PCBD2: variants seen among roughly 807,000 people sequenced by gnomAD.
PCBD2 encodes pterin-4 alpha-carbinolamine dehydratase 2, also known as pterin-4-alpha-carbinolamine dehydratase 2.
Under a neutral mutation model 16.4 loss-of-function variants are expected in PCBD2, and 12 were observed. The observed-to-expected ratio is 0.73, with a 90% CI of 0.47 to 1.19. The LOEUF (loss-of-function observed/expected upper bound fraction) is 1.19, where lower values mean the gene tolerates loss of function less well. Ranked by LOEUF, PCBD2 falls within the 50% of genes most tolerant of loss-of-function variation. PCBD2 has a pLI of 0.00. For missense variants in PCBD2, 138 were observed against 156.8 expected (o/e 0.88, Z 0.64); for synonymous variants, 58 against 61.8 (o/e 0.94, Z 0.29).
intron 2 of PCBD2, chr5:134,928,149 G>A (rs1192039742): frequency 2.6e-6 from 1 of 391,258 alleles, no homozygotes; most frequent in Non-Finnish European, 4.5e-6. Context: ...ATGGCGATAG[G>A]TACAATATTG....
At chr5:134,910,575 C>A in intron 2 of PCBD2, 109 bp downstream of exon 2, 1 of 1,286,876 alleles carries the variant, frequency 7.8e-7, no homozygotes, top group South Asian at 1.5e-5. Flanking sequence ...TAGGATTCAA[C>A]TCTTCCCTTC....
rs766086785 is a variant in PCBD2 at position 134,959,111 on chromosome 5, A to G, written c.288A>G (p.Val96=). ...KMNHHPEWFN[V]YNKVQITLTS... ...ATCATCACCCAGAATGGTTCAATGT[A>G]TACAACAAGGTAACTAAACTGCCTT... is the stretch of plus-strand genomic sequence containing the variant. Residue 96 remains valine (V), a synonymous_variant, in exon 3 of 4, where the codon GTA becomes GTG. Transcript: ENST00000254908. The G allele has an allele frequency of 2.3e-5, 37 of 1,612,368 alleles. No homozygotes were observed. Among genetic ancestry groups the G allele is most frequent in the East Asian group, 4.5e-5 (2 of 44,826 alleles).
chr5:134,925,949 C>T, intron 2 of PCBD2: 1 of 390,202 alleles, frequency 2.6e-6, no homozygotes. Flanking sequence ...TATAGGATTG[C>T]TTGAATAGCT....
At chr5:134,953,804 A>G (rs532901520) in intron 2 of PCBD2, among the ~76,000 whole-genome samples, 32 of 152,182 alleles carry the variant, frequency 2.1e-4, no homozygotes, top group Non-Finnish European at 3.7e-4. Flanking sequence ...CCATCTTAAT[A>G]ACAACAACAA....
In PCBD2 at chr5:134,960,600, C is replaced by G; in HGVS notation, c.312C>G (p.Leu104=). ...FNVYNKVQIT[L]TSHDCGELTK... ...CTTTTTCTTAGGTCCAGATAACTCTCACCTCACATGACTGTGGTGAACTGA... is the reference window on the plus strand; with the variant it reads ...CTTTTTCTTAGGTCCAGATAACTCTGACCTCACATGACTGTGGTGAACTGA... The change falls in exon 4 of 4, where the codon CTC becomes CTG. Residue 104 remains leucine, a synonymous_variant. Transcript: ENST00000254908. 6.2e-7 allele frequency: 1 copy of G among 1,609,970 alleles called. No individual in the cohort carries two copies. Among genetic ancestry groups the G allele is most frequent in the East Asian group, 2.2e-5 (1 of 44,840 alleles).
Position 134,937,491 on chromosome 5 carries a change from G to C in PCBD2, c.217-21549G>C, listed in dbSNP as rs551715868. On this transcript the variant is annotated intron_variant, in intron 2 of 3. Transcript: ENST00000254908. ...CTGGTAAATGTTGGAAAGAGGCAAA[G>C]AAGAAAGTTACAATACATTGCCTAT... is the stretch of plus-strand genomic sequence containing the variant. Among the ~76,000 whole-genome samples the C allele has an allele frequency of 2.6e-4, 40 of 152,304 alleles. No individual in the cohort carries two copies. The South Asian group carries it at 8.1e-3, about 31-fold the overall frequency.
intron 2 of PCBD2, chr5:134,928,513 C>T (rs75883362): frequency 2.4e-5 from 7 of 293,640 alleles, no homozygotes; most frequent in Non-Finnish European, 3.8e-5. Context: ...GGGCTCATGG[C>T]AAGGGTAAAA....
chr5:134,925,482 G>T, intron 2 of PCBD2: 1 of 398,514 alleles, frequency 2.5e-6, no homozygotes, highest in South Asian at 1.3e-4. Flanking sequence ...AGATGTGCAG[G>T]AATGCTAGGT....
chr5:134,956,402 A>G (rs1024772570), intron 2 of PCBD2, among the ~76,000 whole-genome samples: 7 of 152,188 alleles, frequency 4.6e-5, no homozygotes, highest in African/African-American at 1.7e-4. Context: ...AGATTTTGCT[A>G]CTATACTGAT....
chr5:134,923,637 A>G, intron 2 of PCBD2: 1 of 369,338 alleles, frequency 2.7e-6, no homozygotes, highest in Non-Finnish European at 4.8e-6. Context: ...TCAGAAGGAT[A>G]TTTGGCCTCA....
intron 2 of PCBD2, among the ~76,000 whole-genome samples, chr5:134,952,853 TCTA>T (rs1751373878): frequency 6.6e-6 from 1 of 152,122 alleles, no homozygotes; most frequent in South Asian, 2.1e-4. Flanking sequence ...TATAAATGTT[TCTA>T]TTTATTCCTA....
intron 2 of PCBD2, among the ~76,000 whole-genome samples, chr5:134,946,998 T>G (rs1157444371): frequency 6.6e-5 from 10 of 152,072 alleles, no homozygotes; most frequent in Non-Finnish European, 8.8e-5. Flanking sequence ...AATTATGTAG[T>G]GTTAGTAGTA....
intron 2 of PCBD2, among the ~76,000 whole-genome samples, chr5:134,953,322 A>G (rs1268412951): frequency 6.7e-6 from 1 of 150,012 alleles, no homozygotes; most frequent in East Asian, 1.9e-4. Flanking sequence ...TGTGGATACT[A>G]TTATAACTAT....
chr5:134,954,720 A>G (rs1444576067), intron 2 of PCBD2, among the ~76,000 whole-genome samples: 1 of 151,600 alleles, frequency 6.6e-6, no homozygotes, highest in Non-Finnish European at 1.5e-5. Context: ...GAATGTTGGT[A>G]TGTGAATGTT....
intron 2 of PCBD2, among the ~76,000 whole-genome samples, chr5:134,919,827 C>T (rs896403444): frequency 2.9e-4 from 44 of 152,306 alleles, no homozygotes; most frequent in African/African-American, 9.1e-4. Context: ...GCCTGCCCAC[C>T]GCTTCAGTAC....
chr5:134,927,107 G>A (rs1580884529), intron 2 of PCBD2: 3 of 398,430 alleles, frequency 7.5e-6, no homozygotes, highest in Non-Finnish European at 1.3e-5. Flanking sequence ...TGACTGCGCC[G>A]GTGAAGCTTC....
intron 2 of PCBD2, chr5:134,923,362 G>T: frequency 5.6e-6 from 1 of 177,718 alleles, no homozygotes; most frequent in East Asian, 1.5e-4. Flanking sequence ...AATAAGCCGA[G>T]GATGTCTTTG....
intron 2 of PCBD2, among the ~76,000 whole-genome samples, chr5:134,947,714 T>C (rs1751313748): frequency 6.6e-6 from 1 of 152,062 alleles, no homozygotes. Context: ...AAAAATATAT[T>C]TGGGCAGGTA....
intron 2 of PCBD2, among the ~76,000 whole-genome samples, chr5:134,945,322 A>G (rs529970859): frequency 2.0e-5 from 3 of 152,144 alleles, no homozygotes; most frequent in Non-Finnish European, 4.4e-5. Context: ...TGTCAACCCT[A>G]CCTGCACAGA....
Sources: gnomAD v4.1 joint callset for allele counts (sites outside exome capture counted in the v4.1 genomes callset) on GRCh38, gnomAD v4.1.1 for gene constraint, MANE v1.5 for transcripts, NCBI Gene and HGNC (gene_info 2026-07-23, HGNC 2026-07-21) for gene names.